The following HEATR1 variants were observed in gnomAD, a reference collection of about 807,000 sequenced individuals.
HEATR1 encodes HEAT repeat containing 1.
HEATR1 carries 77 observed loss-of-function variants against 248.2 expected under a neutral mutation model. The observed-to-expected ratio is 0.31, with a 90% CI of 0.26 to 0.37. The LOEUF is 0.37. HEATR1 is among the 10% of genes least tolerant of loss of function. The pLI is 1.00. For synonymous variants in HEATR1, 897 were observed against 923.1 expected, an observed-to-expected ratio of 0.97 and a Z score of 0.51; for missense variants, 2,420 against 2,504.9, an observed-to-expected ratio of 0.97 and a Z score of 0.72.
At position 236,594,992 on chromosome 1, in the gene HEATR1, G is replaced by C. The variant is rs374432471; in HGVS notation, c.1090+548C>G. ...TTTTGTATATTTTTGTAGAGACGGGGTTTTGCCATGATCTGCCCATCTCAG... is the reference window on the plus strand; with the variant it reads ...TTTTGTATATTTTTGTAGAGACGGGCTTTTGCCATGATCTGCCCATCTCAG... On this transcript the variant is annotated intron_variant, in intron 8 of 44. Coordinates refer to ENST00000366582, the MANE Select transcript of HEATR1 (RefSeq NM_018072.6). 6.5e-4 allele frequency among the ~76,000 whole-genome samples: 99 copies of C among 152,156 alleles called. 3 individuals are homozygous for C. The South Asian group carries it at 0.018, about 28-fold the overall frequency.
In HEATR1 at chr1:236,571,361, C is replaced by T. The variant is rs1054265331; in HGVS notation, c.3938G>A (p.Gly1313Glu). 2 of 1,592,440 alleles carry T rather than the reference C, an allele frequency of 1.3e-6. No individual in the cohort carries two copies. The highest frequency in any genetic ancestry group is 2.7e-5 in the African/African-American group (2 of 73,338). Residue 1313 changes from glycine to glutamate, a missense_variant, in exon 28 of 45, where the codon GGA (glycine) becomes GAA (glutamate). Transcript: ENST00000366582. Reference sequence around the variant, plus strand: ...ATCATTAACGCTTACCGGAAATATTCCAGCAACAGTGCCCAAAAGTAAAAG... The same window carrying T: ...ATCATTAACGCTTACCGGAAATATTTCAGCAACAGTGCCCAAAAGTAAAAG... ...HALLLLGTVAGIFPDKVLHNI... is the reference protein window; with the variant it reads ...HALLLLGTVAEIFPDKVLHNI...
intron 31 of HEATR1, 30 bp from the exon 32 acceptor site, chr1:236,564,691 C>G: frequency 6.3e-7 from 1 of 1,591,756 alleles, no homozygotes; most frequent in South Asian, 1.1e-5. Flanking sequence ...AGTGACCTTA[C>G]TCATTTTCAC....
rs555603957 is a variant in HEATR1 at position 236,550,895 on chromosome 1, G to C, written c.*7C>G. On this transcript the variant is annotated 3_prime_UTR_variant, in exon 45 of 45. Transcript: ENST00000366582. ...TCTGAGTAGAGTATGAAACACCACA[G>C]AAAGTCTTAGAAATAGCTCTGGAGT... is the stretch of plus-strand genomic sequence containing the variant. The C allele has an allele frequency of 1.3e-6, 2 of 1,585,490 alleles. No individual in the cohort carries two copies. The highest frequency in any genetic ancestry group is 1.7e-6 in the Non-Finnish European group (2 of 1,168,618).
chr1:236,566,750 G>T lies in HEATR1; in HGVS notation c.4204C>A (p.Leu1402Ile). 1 of 1,614,148 alleles carries T rather than the reference G, an allele frequency of 6.2e-7. No individual in the cohort carries two copies. Among genetic ancestry groups the T allele is most frequent in the South Asian group, 1.1e-5 (1 of 91,078 alleles). ...EHRRLPILVQ[L>I]VDTLGAEKFL... The stretch of plus-strand genomic sequence containing the variant: ...TTCTCTGCACCCAGTGTATCAACAA[G>T]TTGAACAAGGATGGGCAGGCGCCTG... Residue 1402 changes from leucine (L) to isoleucine (I), a missense_variant, in exon 30 of 45, where the codon CTT (leucine) becomes ATT (isoleucine). Transcript: ENST00000366582.
intron 43 of HEATR1, among the ~76,000 whole-genome samples, chr1:236,553,309 T>C (rs1662837356): frequency 6.6e-6 from 1 of 152,252 alleles, no homozygotes; most frequent in Non-Finnish European, 1.5e-5. Flanking sequence ...TAAAAGTATT[T>C]AGAAAGTATT....
At chr1:236,575,788 C>T (rs753725322) in intron 22 of HEATR1, among the ~76,000 whole-genome samples, 3 of 152,084 alleles carry the variant, frequency 2.0e-5, no homozygotes, top group Non-Finnish European at 4.4e-5. Flanking sequence ...CAAGCTTCTT[C>T]GAAAACACAA....
rs1055483904 is a variant in HEATR1 at position 236,550,197 on chromosome 1, C to T, written c.*705G>A. The T allele has an allele frequency of 6.6e-6, 1 of 152,172 alleles. No individual in the cohort carries two copies. The highest frequency in any genetic ancestry group is 2.4e-5 in the African/African-American group (1 of 41,416). 9.4% of individuals were successfully genotyped at this position (152,172 alleles called of 1,614,324 possible). A position where few individuals can be genotyped will look rare whatever the true frequency, so the allele number is the denominator to read the frequency against. Reference sequence around the variant, plus strand: ...AATGGAACTGGGTTCATTCTGAATCCTGGAGGAGCTTCCTCGTGCCACCCA... The same window carrying T: ...AATGGAACTGGGTTCATTCTGAATCTTGGAGGAGCTTCCTCGTGCCACCCA... On this transcript the variant is annotated 3_prime_UTR_variant, in exon 45 of 45. Transcript: ENST00000366582.
intron 16 of HEATR1, 28 bp downstream of exon 16, chr1:236,585,792 A>AG: frequency 1.2e-6 from 2 of 1,603,454 alleles, no homozygotes; most frequent in Non-Finnish European, 1.7e-6. Flanking sequence ...AAAGAAATCC[A>AG]GGGGGTGGAC....
At position 236,565,434 on chromosome 1, in the gene HEATR1, T is replaced by C. The variant is rs531943648; in HGVS notation, c.4435+485A>G. On this transcript the variant is annotated intron_variant, in intron 31 of 44. Transcript: ENST00000366582. ...CTCCTGGGTAGCTGGGACCACAGGC[T>C]AACACCATCACACCTGGCTTCATCA... 4.6e-5 allele frequency among the ~76,000 whole-genome samples: 7 copies of C among 152,270 alleles called. No homozygotes were observed. In the East Asian group the frequency reaches 1.3e-3, roughly 29 times the overall value.
At chr1:236,601,395 C>T (rs150794124) in intron 3 of HEATR1, among the ~76,000 whole-genome samples, 16 of 152,172 alleles carry the variant, frequency 1.1e-4, no homozygotes, top group African/African-American at 2.6e-4. Context: ...TACAAGTGCT[C>T]GCCACTGCGC....
Position 236,576,383 on chromosome 1 carries a change from A to G in HEATR1, c.2926-6T>C, listed in dbSNP as rs961924751. Reference sequence around the variant, plus strand: ...TCAAATAAAGTAGCCAAATCCTAAGATACCAAAAAGAAAATTGGATAAAAA... The same window carrying G: ...TCAAATAAAGTAGCCAAATCCTAAGGTACCAAAAAGAAAATTGGATAAAAA... On this transcript the variant is annotated splice_region_variant and splice_polypyrimidine_tract_variant and intron_variant, in intron 21 of 44. Coordinates refer to ENST00000366582, the MANE Select transcript of HEATR1 (RefSeq NM_018072.6). 1 of 1,561,902 alleles carries G rather than the reference A, an allele frequency of 6.4e-7. No homozygotes were observed. Among genetic ancestry groups the G allele is most frequent in the African/African-American group, 1.4e-5 (1 of 72,044 alleles).
At position 236,576,224 on chromosome 1, in the gene HEATR1, C is replaced by G; in HGVS notation, c.3079G>C (p.Gly1027Arg). ...DLMKVLQGVN[G>R]EMVLSQLLPM... The stretch of plus-strand genomic sequence containing the variant: ...TCCACTTAAATGGCACATACCTCAC[C>G]GTTGACTCCCTGAAGTACTTTCATC... The change falls in exon 22 of 45, where the codon GGT (glycine) becomes CGT (arginine). Residue 1027 changes from glycine (G) to arginine (R), a missense_variant. Physicochemically the swap from Gly to Arg is moderately radical, Grantham distance 125. Coordinates refer to ENST00000366582, the MANE Select transcript of HEATR1 (RefSeq NM_018072.6). 6.3e-7 allele frequency: 1 copy of G among 1,596,706 alleles called. No homozygotes were observed. The highest frequency in any genetic ancestry group is 8.5e-7 in the Non-Finnish European group (1 of 1,174,632).
chr1:236,553,450 G>T, intron 43 of HEATR1, 131 bp downstream of exon 43: 2 of 950,462 alleles, frequency 2.1e-6, no homozygotes, highest in Non-Finnish European at 3.1e-6. Flanking sequence ...CGGACCTCTA[G>T]TACTGGATGA....
intron 28 of HEATR1, among the ~76,000 whole-genome samples, 166 bp downstream of exon 28, chr1:236,571,185 T>C (rs1663415013): frequency 6.6e-6 from 1 of 152,220 alleles, no homozygotes; most frequent in African/African-American, 2.4e-5. Context: ...CAAGATCAAC[T>C]GGCTTATACA....
Position 236,566,708 on chromosome 1 carries a change from G to A in HEATR1, c.4246C>T (p.Leu1416Phe). ...LGAEKFLWILLILLFEQYVTK... is the reference protein window; with the variant it reads ...LGAEKFLWILFILLFEQYVTK... ...ACATACTGTTCAAAAAGCAAGATGA[G>A]GAGAATCCAGAGGAATTTCTCTGCA... Residue 1416 changes from leucine (L) to phenylalanine (F), a missense_variant, in exon 30 of 45, where the codon CTC becomes TTC. Leu to Phe is a conservative substitution (Grantham distance 22, BLOSUM62 0). Transcript: ENST00000366582. 1.2e-6 allele frequency: 2 copies of A among 1,614,118 alleles called. No individual in the cohort carries two copies. Among genetic ancestry groups the A allele is most frequent in the Non-Finnish European group, 1.7e-6 (2 of 1,180,022 alleles).
At chr1:236,602,289 T>C (rs1664346027) in intron 3 of HEATR1, among the ~76,000 whole-genome samples, 1 of 152,216 alleles carries the variant, frequency 6.6e-6, no homozygotes, top group Non-Finnish European at 1.5e-5. Flanking sequence ...TTCAGCTGTA[T>C]CCTAGCTCTG....
chr1:236,555,834 C>T lies in HEATR1; in HGVS notation c.5620G>A (p.Ala1874Thr). The T allele has an allele frequency of 6.2e-7, 1 of 1,614,076 alleles. No homozygotes were observed. The highest frequency in any genetic ancestry group is 2.2e-5 in the East Asian group (1 of 44,882). Reference sequence around the variant, plus strand: ...GAGTGCTGGGCTCGGAAGTCCAGGGCTTCCAGGAAAAAGGCGGTTAGCTGA... The same window carrying T: ...GAGTGCTGGGCTCGGAAGTCCAGGGTTTCCAGGAAAAAGGCGGTTAGCTGA... ...QSQLTAFFLE[A>T]LDFRAQHSEN... Residue 1874 changes from alanine to threonine, a missense_variant, in exon 39 of 45, where the codon GCC becomes ACC. Coordinates refer to ENST00000366582, the MANE Select transcript of HEATR1 (RefSeq NM_018072.6).
rs867845140 is a variant in HEATR1 at position 236,557,334 on chromosome 1, G to A, written c.5216C>T (p.Ser1739Leu). Reference sequence around the variant, plus strand: ...GGTGTTCTTCATTGTTGTCAGCAACGATGGCATCAGGCTAGAAACAAAGTA... The same window carrying A: ...GGTGTTCTTCATTGTTGTCAGCAACAATGGCATCAGGCTAGAAACAAAGTA... ...AIPQLPSLMPSLLTTMKNTSE... is the reference protein window; with the variant it reads ...AIPQLPSLMPLLLTTMKNTSE... Residue 1739 changes from serine to leucine, a missense_variant, in exon 37 of 45, where the codon TCG becomes TTG. Physicochemically the swap from Ser to Leu is moderately radical, Grantham distance 145 (BLOSUM62 -2). Transcript: ENST00000366582. The A allele has an allele frequency of 8.1e-6, 13 of 1,613,914 alleles. No individual in the cohort carries two copies. The highest frequency in any genetic ancestry group is 6.7e-5 in the African/African-American group (5 of 74,918).
chr1:236,589,955 C>T (rs1235817255), intron 12 of HEATR1, among the ~76,000 whole-genome samples: 2 of 152,112 alleles, frequency 1.3e-5, no homozygotes, highest in Admixed American at 6.6e-5. Flanking sequence ...TGTAATTTAG[C>T]AAAAATTGTA....
Sources: gnomAD v4.1 joint callset for allele counts (sites outside exome capture counted in the v4.1 genomes callset) on GRCh38, gnomAD v4.1.1 for gene constraint, MANE v1.5 for transcripts, NCBI Gene and HGNC (gene_info 2026-07-23, HGNC 2026-07-21) for gene names.